Variants in LRRC7 observed in about 807,000 individuals in gnomAD.
LRRC7 encodes the protein leucine-rich repeat-containing protein 7.
In LRRC7, 23 loss-of-function variants were observed where a neutral mutation model predicts 175.7. The observed-to-expected ratio is 0.13, with a 90% CI of 0.09 to 0.19. The LOEUF (loss-of-function observed/expected upper bound fraction) is 0.19. Among genes scored for constraint, LRRC7 ranks in the 10% least tolerant of loss-of-function variants. The probability of loss-of-function intolerance (pLI) is 1.00; values close to 1 mark genes in which losing one functional copy is unlikely to be tolerated. For synonymous variants in LRRC7, 685 were observed against 680.9 expected, an observed-to-expected ratio of 1.01 and a Z score of -0.09; for missense variants, 1,354 against 1,904.7, an observed-to-expected ratio of 0.71 and a Z score of 5.38.
At chr1:70,035,938 A>G (rs974861646) in intron 18 of LRRC7, among the ~76,000 whole-genome samples, 183 bp from the exon 19 acceptor site, 1 of 144,324 alleles carries the variant, frequency 6.9e-6, no homozygotes. Flanking sequence ...ACTCACTTAC[A>G]TTAGAAAAAA....
At chr1:69,728,711 C>A (rs1452114768) in intron 2 of LRRC7, among the ~76,000 whole-genome samples, 1 of 152,158 alleles carries the variant, frequency 6.6e-6, no homozygotes, top group Non-Finnish European at 1.5e-5. Flanking sequence ...ATAAAGGAAG[C>A]TTCAACTTCA....
Position 70,018,886 on chromosome 1 carries a change from A to G in LRRC7, c.1420+68A>G, listed in dbSNP as rs574508608. On this transcript the variant is annotated intron_variant, in intron 15 of 26. Transcript: ENST00000651989. Reference sequence around the variant, plus strand: ...TGGATAGAAATAACTAATTTTATTCAGATCTCTGGCCAGGAGTACTGGCAC... The same window carrying G: ...TGGATAGAAATAACTAATTTTATTCGGATCTCTGGCCAGGAGTACTGGCAC... 1.4e-5 allele frequency: 17 copies of G among 1,224,948 alleles called. No homozygotes were observed. The South Asian group carries it at 2.2e-4, about 16-fold the overall frequency. 75.9% of individuals were successfully genotyped at this position (1,224,948 alleles called of 1,614,324 possible).
Position 70,122,010 on chromosome 1 carries a change from T to C in LRRC7, c.*123T>C. 1.1e-5 allele frequency: 7 copies of C among 662,690 alleles called. No individual in the cohort carries two copies. Among genetic ancestry groups the C allele is most frequent in the South Asian group, 8.7e-5 (5 of 57,290 alleles). 41.1% of individuals were successfully genotyped at this position (662,690 alleles called of 1,614,324 possible). A position where few individuals can be genotyped will look rare whatever the true frequency, so the allele number is the denominator to read the frequency against. On this transcript the variant is annotated 3_prime_UTR_variant, in exon 27 of 27. Coordinates refer to ENST00000651989, the MANE Select transcript of LRRC7 (RefSeq NM_001370785.2). ...GCAAACATTAGTGCCAAATGTATAA[T>C]ACTATATGTTAGCACTGACCATCCT...
intron 26 of LRRC7, among the ~76,000 whole-genome samples, chr1:70,119,887 A>G (rs1245094655): frequency 6.6e-6 from 1 of 152,056 alleles, no homozygotes; most frequent in Admixed American, 6.6e-5. Flanking sequence ...ACAATCAAGA[A>G]CTCCATTATT....
chr1:69,922,262 T>G (rs1159032883), intron 7 of LRRC7, among the ~76,000 whole-genome samples: 2 of 152,160 alleles, frequency 1.3e-5, no homozygotes, highest in Non-Finnish European at 2.9e-5. Context: ...TGCAGTTCCT[T>G]GAATGCACCA....
intron 7 of LRRC7, among the ~76,000 whole-genome samples, chr1:69,916,082 T>TATATTATATAG (rs1646685090): frequency 7.1e-6 from 1 of 140,106 alleles, no homozygotes; most frequent in Non-Finnish European, 1.5e-5. Context: ...ATATAATATA[T>TATATTATATAG]ATATTATATA....
At chr1:69,876,330 TTTAAAGGGAAGGCATG>T (rs1686041069) in intron 7 of LRRC7, among the ~76,000 whole-genome samples, 1 of 152,166 alleles carries the variant, frequency 6.6e-6, no homozygotes, top group Admixed American at 6.6e-5. Flanking sequence ...TTTATCAGTT[TTTAAAGGGAAGGCATG>T]TTAGGCATAG....
Position 70,123,361 on chromosome 1 carries a change from C to G in LRRC7, c.*1474C>G, listed in dbSNP as rs1009283577. 1 of 152,036 alleles carries G rather than the reference C, an allele frequency of 6.6e-6. No individual in the cohort carries two copies. The highest frequency in any genetic ancestry group is 2.1e-4 in the South Asian group (1 of 4,826). 9.4% of individuals were successfully genotyped at this position (152,036 alleles called of 1,614,324 possible). A position where few individuals can be genotyped will look rare whatever the true frequency, so the allele number is the denominator to read the frequency against. On this transcript the variant is annotated 3_prime_UTR_variant, in exon 27 of 27. Transcript: ENST00000651989. ...GTTTCAAGTATTGTATGAGGATTTT[C>G]ACAATAGTATCACTGAATGATGTCA... is the stretch of plus-strand genomic sequence containing the variant.
At chr1:69,988,643 A>G (rs1230523214) in intron 10 of LRRC7, among the ~76,000 whole-genome samples, 3 of 152,190 alleles carry the variant, frequency 2.0e-5, no homozygotes, top group African/African-American at 7.2e-5. Context: ...TTCTGTGAAA[A>G]GGGACTGAAA....
intron 2 of LRRC7, among the ~76,000 whole-genome samples, chr1:69,704,866 T>G (rs1663826909): frequency 6.6e-6 from 1 of 152,084 alleles, no homozygotes; most frequent in Admixed American, 6.6e-5. Context: ...ATACTATTGT[T>G]AGCCAATGAA....
chr1:69,603,041 G>A (rs1647144310), intron 1 of LRRC7, among the ~76,000 whole-genome samples: 1 of 152,138 alleles, frequency 6.6e-6, no homozygotes, highest in African/African-American at 2.4e-5. Context: ...TTCTTCGACT[G>A]TATTCCTAGT....
In LRRC7 at chr1:70,130,509, G is replaced by A. The variant is rs1158923611; in HGVS notation, c.*8622G>A. Among the ~76,000 whole-genome samples the A allele has an allele frequency of 6.6e-6, 1 of 152,092 alleles. No individual in the cohort carries two copies. The highest frequency in any genetic ancestry group is 2.4e-5 in the African/African-American group (1 of 41,422). On this transcript the variant is annotated 3_prime_UTR_variant, in exon 27 of 27. Transcript: ENST00000651989. ...AAAAAAATTTCTCCTTTTTAAATCA[G>A]TCTTCCTCCTCTCTTCAGCATTTTT...
chr1:70,052,488 T>C (rs1660823113), intron 22 of LRRC7, among the ~76,000 whole-genome samples: 1 of 152,078 alleles, frequency 6.6e-6, no homozygotes, highest in Admixed American at 6.6e-5. Flanking sequence ...CAAAGCTATT[T>C]GTTGATAACG....
chr1:69,865,784 C>T (rs544488732), intron 7 of LRRC7, among the ~76,000 whole-genome samples: 2 of 152,084 alleles, frequency 1.3e-5, no homozygotes, highest in African/African-American at 2.4e-5. Flanking sequence ...CCGGCCCGAC[C>T]GTTCCTTTTA....
intron 2 of LRRC7, among the ~76,000 whole-genome samples, chr1:69,694,613 G>A (rs1280693655): frequency 6.6e-6 from 1 of 152,094 alleles, no homozygotes. Context: ...TGGGCCTAGT[G>A]GGTGGTGTTT....
At chr1:69,983,067 C>T (rs895960792) in intron 9 of LRRC7, among the ~76,000 whole-genome samples, 6 of 152,198 alleles carry the variant, frequency 3.9e-5, no homozygotes, top group African/African-American at 7.2e-5. Context: ...AACACACACA[C>T]ACATATCATT....
At chr1:70,007,093 C>T (rs1656058443) in intron 11 of LRRC7, among the ~76,000 whole-genome samples, 1 of 152,142 alleles carries the variant, frequency 6.6e-6, no homozygotes, top group South Asian at 2.1e-4. Context: ...ATCAACTCAA[C>T]GTTCAGCCTC....
intron 4 of LRRC7, among the ~76,000 whole-genome samples, chr1:69,804,278 T>A (rs1676860064): frequency 6.6e-6 from 1 of 151,438 alleles, no homozygotes. Flanking sequence ...CTTTTATTAT[T>A]AGGTATAGGC....
intron 3 of LRRC7, among the ~76,000 whole-genome samples, chr1:69,770,519 T>A (rs1457943531): frequency 6.6e-6 from 1 of 152,020 alleles, no homozygotes; most frequent in Non-Finnish European, 1.5e-5. Flanking sequence ...TCATTGATTA[T>A]TTTTTTTCCT....
Sources: gnomAD v4.1 joint callset for allele counts (sites outside exome capture counted in the v4.1 genomes callset) on GRCh38, gnomAD v4.1.1 for gene constraint, MANE v1.5 for transcripts, NCBI Gene and HGNC (gene_info 2026-07-23, HGNC 2026-07-21) for gene names.